ANK2: variants seen among roughly 807,000 people sequenced by gnomAD.
ANK2 encodes the protein ankyrin 2, also known as ankyrin-2.
Under a neutral mutation model 360.5 loss-of-function variants are expected in ANK2, and 83 were observed. The observed-to-expected ratio is 0.23, with a 90% CI of 0.19 to 0.28. The LOEUF is 0.28. Among genes scored for constraint, ANK2 ranks in the 10% least tolerant of loss-of-function variants. The probability of loss-of-function intolerance (pLI) is 1.00; values close to 1 mark genes in which losing one functional copy is unlikely to be tolerated. For synonymous variants in ANK2, 1,740 were observed against 1,759.5 expected, an observed-to-expected ratio of 0.99 and a Z score of 0.28; for missense variants, 4,201 against 4,795.7, an observed-to-expected ratio of 0.88 and a Z score of 3.66.
At chr4:112,954,968 T>C (rs1213654091) in intron 2 of ANK2, among the ~76,000 whole-genome samples, 1 of 152,160 alleles carries the variant, frequency 6.6e-6, no homozygotes, top group Non-Finnish European at 1.5e-5. Flanking sequence ...CCAAATATGT[T>C]TGTTATTGTA....
At chr4:112,793,706 C>CTTT in the ANK2 span, among the ~76,000 whole-genome samples, 2 of 134,810 alleles carry the variant, frequency 1.5e-5, no homozygotes, top group Non-Finnish European at 1.6e-5. Context: ...ATTTTCTTTT[C>CTTT]TTTTTTTTTT....
chr4:113,015,188 G>T (rs2056241725), intron 2 of ANK2, among the ~76,000 whole-genome samples: 1 of 152,088 alleles, frequency 6.6e-6, no homozygotes. Context: ...TACAGAGCAG[G>T]TTTAAAGATT....
At chr4:112,930,205 G>A (rs1011011223) in intron 2 of ANK2, among the ~76,000 whole-genome samples, 1 of 151,948 alleles carries the variant, frequency 6.6e-6, no homozygotes, top group Non-Finnish European at 1.5e-5. Context: ...GCACTTTTTG[G>A]GGGCTGAGGC....
intron 1 of ANK2, among the ~76,000 whole-genome samples, chr4:113,094,030 G>T (rs1359984301): frequency 6.6e-6 from 1 of 152,146 alleles, no homozygotes; most frequent in Non-Finnish European, 1.5e-5. Flanking sequence ...TTGTATAAAT[G>T]AATAGAACTT....
At chr4:112,998,420 A>G (rs1185212890) in intron 2 of ANK2, among the ~76,000 whole-genome samples, 1 of 152,174 alleles carries the variant, frequency 6.6e-6, no homozygotes, top group African/African-American at 2.4e-5. Context: ...GTCACATACT[A>G]GCATCCATCA....
intron 1 of ANK2, among the ~76,000 whole-genome samples, chr4:113,105,431 G>A (rs896680349): frequency 6.6e-6 from 1 of 152,076 alleles, no homozygotes; most frequent in Non-Finnish European, 1.5e-5. Flanking sequence ...GGTAACAAGA[G>A]AAAAGAGAAG....
At chr4:112,919,789 G>A (rs72892444) in intron 2 of ANK2, among the ~76,000 whole-genome samples, 4,016 of 152,064 alleles carry the variant, frequency 0.026, 77 homozygotes, top group African/African-American at 0.047. Flanking sequence ...ATACAAAAGC[G>A]AACTTTAAGT....
At chr4:112,965,691 A>G (rs900280526) in intron 2 of ANK2, among the ~76,000 whole-genome samples, 4 of 152,184 alleles carry the variant, frequency 2.6e-5, no homozygotes, top group Non-Finnish European at 5.9e-5. Context: ...GCATATTGAT[A>G]TCCAGTTTTC....
rs796052197 is a variant in ANK2, at chr4:113,354,767, T to C, written c.6149T>C (p.Ile2050Thr). 2.5e-6 allele frequency: 4 copies of C among 1,613,424 alleles called. No homozygotes were observed. The East Asian group carries it at 8.9e-5, about 36-fold the overall frequency. ...REAQKTENQT[I>T]KRGQRLPVTG... ...GCTCAGAAAACAGAGAATCAGACAA[T>C]CAAACGAGGCCAGAGACTCCCGGTA... Residue 2050 changes from isoleucine to threonine, a missense_variant, in exon 38 of 46, where the codon ATC becomes ACC. By Grantham distance (89) the Ile-to-Thr change is moderately conservative (BLOSUM62 -1). Coordinates refer to ENST00000357077, the MANE Select transcript of ANK2 (RefSeq NM_001148.6).
chr4:113,235,243 T>TA (rs1349754243), intron 5 of ANK2, among the ~76,000 whole-genome samples: 1 of 152,242 alleles, frequency 6.6e-6, no homozygotes, highest in Non-Finnish European at 1.5e-5. Context: ...ACAGAGCATT[T>TA]AATTTGTGCC....
Position 113,104,215 on chromosome 4 carries a change from G to C in ANK2, c.84+54403G>C, listed in dbSNP as rs181868010. Among the ~76,000 whole-genome samples the C allele has an allele frequency of 1.2e-3, 190 of 152,198 alleles. 4 individuals carry two copies. The East Asian group carries it at 0.031, about 25-fold the overall frequency. On this transcript the variant is annotated intron_variant, in intron 1 of 45. Coordinates refer to ENST00000357077, the MANE Select transcript of ANK2 (RefSeq NM_001148.6). ...AGATGCTGGGGTTGTTGCTGTTGTT[G>C]TTTTCTTCTTTTCTTCCTTTACTTT...
rs17045416 is a variant in ANK2, at chr4:113,035,368, C to G, written c.21+130854C>G. Among the ~76,000 whole-genome samples the G allele has an allele frequency of 3.1e-3, 477 of 151,820 alleles. 24 individuals carry two copies. The East Asian group carries it at 0.085, about 27-fold the overall frequency. Reference sequence around the variant, plus strand: ...CCATTTTTAGAAAAAGCTTCATAGTCAGTTTGGGATTTCAGGTAGGTAGGT... The same window carrying G: ...CCATTTTTAGAAAAAGCTTCATAGTGAGTTTGGGATTTCAGGTAGGTAGGT... On this transcript the variant is annotated intron_variant, in intron 2 of 30. Transcript: ENST00000503271.
the ANK2 span, among the ~76,000 whole-genome samples, chr4:112,712,054 A>G: frequency 6.7e-6 from 1 of 148,836 alleles, no homozygotes; most frequent in Non-Finnish European, 1.5e-5. Flanking sequence ...ACACACACAC[A>G]CATATATATA....
intron 23 of ANK2, among the ~76,000 whole-genome samples, chr4:113,310,431 T>G (rs1477251632): frequency 6.6e-6 from 1 of 152,124 alleles, no homozygotes. Context: ...AGACTTTTTT[T>G]TTTTTAGATG....
chr4:112,869,400 C>T (rs1036851934), intron 1 of ANK2, among the ~76,000 whole-genome samples: 3 of 152,136 alleles, frequency 2.0e-5, no homozygotes, highest in Non-Finnish European at 4.4e-5. Context: ...ACCTCAGCCC[C>T]GCAAGTTGCT....
chr4:113,159,051 T>C (rs2097409173), intron 1 of ANK2, among the ~76,000 whole-genome samples: 1 of 152,176 alleles, frequency 6.6e-6, no homozygotes, highest in South Asian at 2.1e-4. Context: ...ATCATCATTA[T>C]TGGCTGATAT....
intron 2 of ANK2, among the ~76,000 whole-genome samples, chr4:113,012,613 G>A (rs890945420): frequency 6.6e-6 from 1 of 152,038 alleles, no homozygotes; most frequent in Non-Finnish European, 1.5e-5. Context: ...TGCTGTTTGT[G>A]GCAAACATAT....
chr4:113,181,725 G>GTGT (rs1199430918), intron 2 of ANK2, among the ~76,000 whole-genome samples: 1 of 152,126 alleles, frequency 6.6e-6, no homozygotes, highest in Non-Finnish European at 1.5e-5. Context: ...TTTAGAAGAA[G>GTGT]GCTTGACAGG....
At chr4:113,303,986 A>T (rs529376310) in intron 23 of ANK2, among the ~76,000 whole-genome samples, 1 of 152,250 alleles carries the variant, frequency 6.6e-6, no homozygotes, top group African/African-American at 2.4e-5. Context: ...ACCTATTGGT[A>T]GTATGTATTG....
Sources: gnomAD v4.1 joint callset for allele counts (sites outside exome capture counted in the v4.1 genomes callset) on GRCh38, gnomAD v4.1.1 for gene constraint, MANE v1.5 for transcripts, NCBI Gene and HGNC (gene_info 2026-07-23, HGNC 2026-07-21) for gene names.